Variants in RFX3 observed in about 807,000 individuals in gnomAD.
RFX3 encodes regulatory factor X3.
Under a neutral mutation model 98.6 loss-of-function variants are expected in RFX3, and 14 were observed. The observed-to-expected ratio is 0.14, with a 90% confidence interval of 0.09 to 0.22. The LOEUF (loss-of-function observed/expected upper bound fraction) is 0.22, where lower values mean the gene tolerates loss of function less well. RFX3 is among the 10% of genes least tolerant of loss of function. The pLI, the probability that RFX3 is intolerant of heterozygous loss-of-function variation, is 1.00. For missense variants in RFX3, 639 were observed against 926.9 expected (o/e 0.69, Z 4.03); for synonymous variants, 383 against 328.4 (o/e 1.17, Z -1.80).
rs532078661 is a variant in RFX3 at position 3,271,164 on chromosome 9, G to A, written c.1087-46C>T. ...AGTATTACCTTACAATATTATTTAC[G>A]GGACTGTGTGAGGACAGTCTAACAT... On this transcript the variant is annotated intron_variant, in intron 9 of 16. Coordinates refer to ENST00000617270, the MANE Select transcript of RFX3 (RefSeq NM_001282116.2). The A allele has an allele frequency of 4.5e-5, 69 of 1,528,642 alleles. No homozygotes were observed. The East Asian group carries it at 6.6e-4, about 15-fold the overall frequency. 94.7% of individuals were successfully genotyped at this position (1,528,642 alleles called of 1,614,324 possible).
chr9:3,469,670 T>C (rs894041616), intron 1 of RFX3, among the ~76,000 whole-genome samples: 2 of 152,094 alleles, frequency 1.3e-5, no homozygotes, highest in African/African-American at 4.8e-5. Flanking sequence ...TCCAGTTAGC[T>C]TTCAAATAAT....
At chr9:3,505,645 A>T (rs1817014715) in intron 1 of RFX3, among the ~76,000 whole-genome samples, 1 of 150,890 alleles carries the variant, frequency 6.6e-6, no homozygotes. Flanking sequence ...AAATATACAA[A>T]GCCACATTTG....
At chr9:3,286,774 C>A (rs191360799) in intron 7 of RFX3, among the ~76,000 whole-genome samples, 1 of 152,024 alleles carries the variant, frequency 6.6e-6, no homozygotes, top group East Asian at 1.9e-4. Flanking sequence ...TACTCAACCA[C>A]CTCCTTGATT....
chr9:3,441,025 A>G (rs1349613453), intron 1 of RFX3, among the ~76,000 whole-genome samples: 1 of 152,186 alleles, frequency 6.6e-6, no homozygotes. Flanking sequence ...GGATATCCAT[A>G]TTTTCAAAAA....
intron 1 of RFX3, among the ~76,000 whole-genome samples, chr9:3,424,421 GC>G (rs1843786707): frequency 4.3e-5 from 6 of 139,522 alleles, no homozygotes; most frequent in South Asian, 2.3e-4. Flanking sequence ...GAGTGCAGTG[GC>G]GCGATCTCGA....
intron 1 of RFX3, among the ~76,000 whole-genome samples, chr9:3,503,915 C>G (rs145216990): frequency 1.1e-3 from 168 of 151,694 alleles, no homozygotes; most frequent in African/African-American, 3.9e-3. Context: ...AGCAGTCTGG[C>G]TAACTCTAAT....
intron 15 of RFX3, chr9:3,247,803 A>C (rs776033904): frequency 6.2e-7 from 1 of 1,606,368 alleles, no homozygotes. Context: ...ATAGAGACAC[A>C]TTCCATGAAC....
intron 11 of RFX3, among the ~76,000 whole-genome samples, chr9:3,268,787 G>A (rs1823997455): frequency 6.6e-6 from 1 of 151,908 alleles, no homozygotes. Flanking sequence ...ACAAGTTAAA[G>A]TCTTATGGTG....
At chr9:3,328,074 A>G (rs1002170737) in intron 4 of RFX3, among the ~76,000 whole-genome samples, 1 of 152,158 alleles carries the variant, frequency 6.6e-6, no homozygotes, top group Non-Finnish European at 1.5e-5. Flanking sequence ...AGGAATACCT[A>G]GAAGAGGTGA....
chr9:3,423,914 G>A (rs985873290), intron 1 of RFX3, among the ~76,000 whole-genome samples: 46 of 151,188 alleles, frequency 3.0e-4, no homozygotes, highest in Non-Finnish European at 5.0e-4. Context: ...CTGGGAGGCC[G>A]AGGCGGGGGG....
chr9:3,505,060 T>C (rs1391250817), intron 1 of RFX3, among the ~76,000 whole-genome samples: 1 of 92,410 alleles, frequency 1.1e-5, no homozygotes, highest in Non-Finnish European at 1.9e-5. Flanking sequence ...ATATATAAAA[T>C]ATATAATAAA....
chr9:3,519,315 A>C (rs1370116707), intron 1 of RFX3, among the ~76,000 whole-genome samples: 1 of 152,206 alleles, frequency 6.6e-6, no homozygotes, highest in Admixed American at 6.6e-5. Context: ...TGTGATTGGC[A>C]GCTTGTCTGT....
chr9:3,277,783 G>C (rs934461460), intron 7 of RFX3, among the ~76,000 whole-genome samples: 1 of 151,964 alleles, frequency 6.6e-6, no homozygotes, highest in African/African-American at 2.4e-5. Context: ...TACACAGCTT[G>C]AAAGTAACTT....
intron 2 of RFX3, among the ~76,000 whole-genome samples, chr9:3,377,521 G>A (rs1443655132): frequency 1.3e-5 from 2 of 152,052 alleles, no homozygotes; most frequent in African/African-American, 2.4e-5. Flanking sequence ...ACACCAACAT[G>A]GGACATGTAT....
chr9:3,413,458 T>G (rs906646145), intron 1 of RFX3, among the ~76,000 whole-genome samples: 8 of 152,096 alleles, frequency 5.3e-5, no homozygotes, highest in African/African-American at 1.9e-4. Flanking sequence ...TGCTAAGAAG[T>G]GAACACTTTT....
chr9:3,230,284 G>A (rs1184486550), intron 15 of RFX3, among the ~76,000 whole-genome samples: 1 of 152,158 alleles, frequency 6.6e-6, no homozygotes, highest in Admixed American at 6.5e-5. Context: ...TGCTTTGAAG[G>A]AGACAGGGGC....
chr9:3,290,201 T>TA (rs1293258037), intron 6 of RFX3, among the ~76,000 whole-genome samples: 7,420 of 141,420 alleles, frequency 0.052, 481 homozygotes, highest in African/African-American at 0.16. Flanking sequence ...TACATACAAT[T>TA]AAAAAAAAAA....
chr9:3,460,611 T>A (rs988912331), intron 1 of RFX3, among the ~76,000 whole-genome samples: 116 of 152,096 alleles, frequency 7.6e-4, no homozygotes, highest in African/African-American at 2.5e-3. Flanking sequence ...TGTAAAACCT[T>A]ATTCATGTCA....
chr9:3,342,620 G>C (rs1043573799), intron 3 of RFX3, among the ~76,000 whole-genome samples: 1 of 151,780 alleles, frequency 6.6e-6, no homozygotes, highest in African/African-American at 2.4e-5. Flanking sequence ...GAGCGAGTGG[G>C]GGAAGTATGA....
Sources: allele counts gnomAD v4.1 joint callset (sites outside exome capture counted in the v4.1 genomes callset), GRCh38; gene constraint gnomAD v4.1.1; transcripts MANE v1.5; gene names NCBI Gene and HGNC (gene_info 2026-07-23, HGNC 2026-07-21).